Variants in METTL25 observed in about 807,000 individuals in gnomAD.
METTL25 encodes methyltransferase like 25.
Under a neutral mutation model 71.6 loss-of-function variants are expected in METTL25, and 64 were observed. The observed-to-expected ratio is 0.89, with a 90% CI of 0.73 to 1.10. The LOEUF is 1.10. Ranked by LOEUF, METTL25 falls within the 50% of genes least tolerant of loss-of-function variation. METTL25 has a pLI of 0.00. For missense variants in METTL25, 807 were observed against 707.0 expected (o/e 1.14, Z -1.60); for synonymous variants, 287 against 250.3 (o/e 1.15, Z -1.38).
At chr12:82,460,181 A>G (rs1891767274) in intron 9 of METTL25, among the ~76,000 whole-genome samples, 1 of 152,146 alleles carries the variant, frequency 6.6e-6, no homozygotes, top group South Asian at 2.1e-4. Flanking sequence ...CCACACTCTA[A>G]AAGTTACAGT....
intron 5 of METTL25, among the ~76,000 whole-genome samples, chr12:82,428,804 A>C (rs1384351752): frequency 6.6e-6 from 1 of 151,866 alleles, no homozygotes; most frequent in Non-Finnish European, 1.5e-5. Flanking sequence ...TGAGAATAAT[A>C]GTATACCTAC....
intron 6 of METTL25, among the ~76,000 whole-genome samples, chr12:82,431,429 C>G (rs1255205435): frequency 6.6e-6 from 1 of 151,494 alleles, no homozygotes; most frequent in Non-Finnish European, 1.5e-5. Flanking sequence ...GTTCATGGCA[C>G]TATGTCAGTT....
chr12:82,430,111 G>A (rs1021053777), intron 5 of METTL25, among the ~76,000 whole-genome samples: 9 of 149,042 alleles, frequency 6.0e-5, no homozygotes, highest in African/African-American at 2.0e-4. Context: ...TGTTTATCTC[G>A]ACTTTTTTTT....
intron 1 of METTL25, chr12:82,373,893 G>A (rs1010394700): frequency 6.5e-6 from 1 of 152,930 alleles, no homozygotes; most frequent in African/African-American, 2.4e-5. Flanking sequence ...GCCAATAGGT[G>A]CCCGGTATTA....
chr12:82,401,848 G>C (rs935346799), intron 4 of METTL25, among the ~76,000 whole-genome samples: 13 of 151,992 alleles, frequency 8.6e-5, no homozygotes, highest in Non-Finnish European at 2.9e-5. Flanking sequence ...CATGGTTTGA[G>C]TGTCATCTGG....
At chr12:82,385,443 A>G (rs868464450) in intron 1 of METTL25, among the ~76,000 whole-genome samples, 7 of 152,284 alleles carry the variant, frequency 4.6e-5, no homozygotes, top group African/African-American at 1.4e-4. Flanking sequence ...GCATGGTTTC[A>G]TGAGGTGAAC....
chr12:82,443,749 G>A lies in METTL25; in HGVS notation c.1478+4958G>A, dbSNP rs138886047. On this transcript the variant is annotated intron_variant, in intron 8 of 11. Coordinates refer to ENST00000248306, the MANE Select transcript of METTL25 (RefSeq NM_032230.3). ...GTGCAGAAACCACATGGCAAGAGAG[G>A]AAGCAAAACAGAGGGGAGGTGCCAA... 9.7e-4 allele frequency among the ~76,000 whole-genome samples: 147 copies of A among 152,256 alleles called. 1 individual carries two copies. Among genetic ancestry groups the A allele is most frequent in the African/African-American group, 3.3e-3 (139 of 41,554 alleles).
intron 9 of METTL25, chr12:82,474,416 T>C (rs1049141869): frequency 1.3e-5 from 2 of 152,332 alleles, no homozygotes. Flanking sequence ...GCCTTGTCTC[T>C]TTCTTGTATG....
chr12:82,395,538 ATG>A (rs1434426732), intron 3 of METTL25, among the ~76,000 whole-genome samples: 1 of 152,092 alleles, frequency 6.6e-6, no homozygotes, highest in Non-Finnish European at 1.5e-5. Flanking sequence ...ACCTGGAGGT[ATG>A]TTACAAATTT....
At chr12:82,428,626 A>G (rs374580563) in intron 5 of METTL25, among the ~76,000 whole-genome samples, 37 of 151,956 alleles carry the variant, frequency 2.4e-4, no homozygotes, top group African/African-American at 8.9e-4. Flanking sequence ...ATGCAATTGT[A>G]ACTGAAATTG....
chr12:82,477,558 T>TA (rs1892948714), intron 11 of METTL25, among the ~76,000 whole-genome samples: 1 of 151,788 alleles, frequency 6.6e-6, no homozygotes, highest in Non-Finnish European at 1.5e-5. Flanking sequence ...GCTGCTATAA[T>TA]AAAGTTTACA....
At chr12:82,435,682 A>G (rs1415867846) in intron 7 of METTL25, among the ~76,000 whole-genome samples, 1 of 151,340 alleles carries the variant, frequency 6.6e-6, no homozygotes, top group Non-Finnish European at 1.5e-5. Flanking sequence ...TAAAATAGGG[A>G]AAAAAAGTGG....
chr12:82,370,500 A>G (rs963986709), intron 1 of METTL25, among the ~76,000 whole-genome samples: 1 of 152,094 alleles, frequency 6.6e-6, no homozygotes, highest in African/African-American at 2.4e-5. Context: ...GTTAGTGTAA[A>G]AACAATACTT....
intron 1 of METTL25, among the ~76,000 whole-genome samples, chr12:82,373,727 C>G (rs932130494): frequency 6.6e-6 from 1 of 152,294 alleles, no homozygotes; most frequent in South Asian, 2.1e-4. Context: ...TCTGTCAACC[C>G]TTGGCTCAGC....
At chr12:82,437,518 A>T (rs1452407422) in intron 7 of METTL25, among the ~76,000 whole-genome samples, 1 of 151,668 alleles carries the variant, frequency 6.6e-6, no homozygotes, top group Non-Finnish European at 1.5e-5. Flanking sequence ...TAGTCTCAGC[A>T]GCACAGTATG....
intron 10 of METTL25, 124 bp from the exon 11 acceptor site, chr12:82,477,157 A>C: frequency 2.0e-6 from 1 of 495,174 alleles, no homozygotes; most frequent in Non-Finnish European, 3.6e-6. Flanking sequence ...ATGTACCTGG[A>C]TTTTGGAGAT....
At chr12:82,378,799 G>A (rs938539965) in intron 1 of METTL25, among the ~76,000 whole-genome samples, 1 of 152,124 alleles carries the variant, frequency 6.6e-6, no homozygotes, top group African/African-American at 2.4e-5. Context: ...GGGCTGAGGT[G>A]GGGGGATTGC....
intron 5 of METTL25, 105 bp downstream of exon 5, chr12:82,403,235 G>T: frequency 8.9e-7 from 1 of 1,127,502 alleles, no homozygotes; most frequent in Non-Finnish European, 1.3e-6. Flanking sequence ...CCATGATTTG[G>T]ATCAGCATTT....
chr12:82,389,780 T>G, intron 2 of METTL25, 36 bp from the exon 3 acceptor site: 1 of 1,223,764 alleles, frequency 8.2e-7, no homozygotes, highest in Non-Finnish European at 1.2e-6. Flanking sequence ...TAAATTTTGA[T>G]TCTTTAATAG....
Sources: allele counts gnomAD v4.1 joint callset (sites outside exome capture counted in the v4.1 genomes callset), GRCh38; gene constraint gnomAD v4.1.1; transcripts MANE v1.5; gene names NCBI Gene and HGNC (gene_info 2026-07-23, HGNC 2026-07-21).